The following TRIP13 variants were observed in gnomAD, a reference collection of about 807,000 sequenced individuals.
TRIP13 encodes thyroid hormone receptor interactor 13, also known as pachytene checkpoint protein 2 homolog.
Under a neutral mutation model 54.4 loss-of-function variants are expected in TRIP13, and 25 were observed. That is an observed-to-expected ratio of 0.46 (90% CI 0.33 to 0.64). The LOEUF (loss-of-function observed/expected upper bound fraction) is 0.64, where lower values mean the gene tolerates loss of function less well. Among genes scored for constraint, TRIP13 ranks in the 30% least tolerant of loss-of-function variants. The pLI, the probability that TRIP13 is intolerant of heterozygous loss-of-function variation, is 0.02. For missense variants in TRIP13, 373 were observed against 534.2 expected (o/e 0.70, Z 2.97); for synonymous variants, 207 against 207.8 (o/e 1.00, Z 0.03).
intron 5 of TRIP13, among the ~76,000 whole-genome samples, chr5:903,068 G>T (rs991927893): frequency 2.6e-5 from 4 of 152,176 alleles, no homozygotes; most frequent in African/African-American, 9.6e-5. Flanking sequence ...CTGGATGACT[G>T]CGGGCGGGTC....
Position 915,310 on chromosome 5 carries a change from C to A in TRIP13, c.1134-594C>A, listed in dbSNP as rs113332243. ...ACTCTGTGCCTACTGACCATGTGCC[C>A]GCTGCATCGTGCCTTACGCCTGGTG... On this transcript the variant is annotated intron_variant, in intron 11 of 12. Transcript: ENST00000166345. The surrounding 1 kb of genome is among the most constrained non-coding windows in gnomAD (Gnocchi z 4.2). Among the ~76,000 whole-genome samples, 780 of 152,336 alleles carry A rather than the reference C, an allele frequency of 5.1e-3. 7 individuals carry two copies. The highest frequency in any genetic ancestry group is 0.018 in the African/African-American group (746 of 41,558).
intron 3 of TRIP13, 90 bp downstream of exon 3, chr5:896,884 G>C (rs945601886): frequency 1.4e-6 from 2 of 1,409,544 alleles, no homozygotes; most frequent in Non-Finnish European, 9.5e-7. Context: ...GGTTCTGTTT[G>C]TCCATTTGTT....
Position 908,713 on chromosome 5 carries a change from C to G in TRIP13, c.866+252C>G, listed in dbSNP as rs1201046832. 12 of 1,205,796 alleles carry G rather than the reference C, an allele frequency of 1.0e-5. No homozygotes were observed. The highest frequency in any genetic ancestry group is 1.1e-5 in the Non-Finnish European group (10 of 945,720). 74.7% of individuals were successfully genotyped at this position (1,205,796 alleles called of 1,614,324 possible). A position where few individuals can be genotyped will look rare whatever the true frequency, so the allele number is the denominator to read the frequency against. Reference sequence around the variant, plus strand: ...GTGGCTCACACCTGTAATCCCAGCACTTTGGGAGGCCGAGGCAGGCGGATC... The same window carrying G: ...GTGGCTCACACCTGTAATCCCAGCAGTTTGGGAGGCCGAGGCAGGCGGATC... On this transcript the variant is annotated intron_variant, in intron 9 of 12. Transcript: ENST00000166345. This position sits in a 1 kb window ranked among gnomAD's most constrained non-coding sequence, Gnocchi z 5.2.
intron 3 of TRIP13, among the ~76,000 whole-genome samples, chr5:899,812 G>T (rs1030368218): frequency 2.0e-5 from 2 of 98,404 alleles, no homozygotes; most frequent in Non-Finnish European, 3.6e-5. Flanking sequence ...GGAAACAGGT[G>T]GATTTGGATG....
rs902330601 is a variant in TRIP13 at position 915,340 on chromosome 5, C to T, written c.1134-564C>T. Among the ~76,000 whole-genome samples, 1 of 152,180 alleles carries T rather than the reference C, an allele frequency of 6.6e-6. No homozygotes were observed. The highest frequency in any genetic ancestry group is 6.5e-5 in the Admixed American group (1 of 15,278). On this transcript the variant is annotated intron_variant, in intron 11 of 12. Transcript: ENST00000166345. The surrounding 1 kb of genome is among the most constrained non-coding windows in gnomAD (Gnocchi z 4.2). ...CATCGTGCCTTACGCCTGGTGCTCC[C>T]AGGCAGGTGATGCCTTCCCTGAGCG...
intron 11 of TRIP13, 152 bp downstream of exon 11, chr5:914,729 G>A: frequency 1.6e-6 from 1 of 627,904 alleles, no homozygotes; most frequent in Non-Finnish European, 2.9e-6. Flanking sequence ...ACGTGTGTGT[G>A]TGTGTGTGTG....
rs2150691016 is a variant in TRIP13 at position 912,666 on chromosome 5, G to C, written c.1020+670G>C. Among the ~76,000 whole-genome samples, 1 of 151,794 alleles carries C rather than the reference G, an allele frequency of 6.6e-6. No individual in the cohort carries two copies. Among genetic ancestry groups the C allele is most frequent in the South Asian group, 2.1e-4 (1 of 4,782 alleles). ...ATGTGCGGTGAGTGTGAGTCAGTAAGGCCGTCGCCATGGGCACAGTGACGC... is the reference window on the plus strand; with the variant it reads ...ATGTGCGGTGAGTGTGAGTCAGTAACGCCGTCGCCATGGGCACAGTGACGC... On this transcript the variant is annotated intron_variant, in intron 10 of 12. Coordinates refer to ENST00000166345, the MANE Select transcript of TRIP13 (RefSeq NM_004237.4). This position sits in a 1 kb window ranked among gnomAD's most constrained non-coding sequence, Gnocchi z 7.2.
chr5:915,933 T>C lies in TRIP13; in HGVS notation c.1163T>C (p.Leu388Pro). The C allele has an allele frequency of 1.2e-6, 2 of 1,614,160 alleles. No homozygotes were observed. Among genetic ancestry groups the C allele is most frequent in the Non-Finnish European group, 1.7e-6 (2 of 1,180,012 alleles). The stretch of plus-strand genomic sequence containing the variant: ...AGCGAGGGCCTCAGCGGCCGGGTCC[T>C]GAGAAAACTCCCCTTTCTGGCTCAT... ...RKSEGLSGRVLRKLPFLAHAL... is the reference protein window; with the variant it reads ...RKSEGLSGRVPRKLPFLAHAL... Residue 388 changes from leucine to proline, a missense_variant, in exon 12 of 13, where the codon CTG becomes CCG. By Grantham distance (98) the Leu-to-Pro change is moderately conservative (BLOSUM62 -3). Around this residue, in one of 4 missense-constraint regions of TRIP13, gnomAD observed 101 missense variants for 138.5 expected, o/e 0.73. Coordinates refer to ENST00000166345, the MANE Select transcript of TRIP13 (RefSeq NM_004237.4). This position sits in a 1 kb window ranked among gnomAD's most constrained non-coding sequence, Gnocchi z 4.2.
intron 5 of TRIP13, among the ~76,000 whole-genome samples, chr5:902,419 G>A (rs1560945848): frequency 6.6e-6 from 1 of 152,224 alleles, no homozygotes; most frequent in Non-Finnish European, 1.5e-5. Flanking sequence ...GTAAGCAGCA[G>A]GTGTTTTAAT....
downstream of TRIP13, chr5:919,239 G>C (rs1226283784): frequency 6.6e-6 from 1 of 152,244 alleles, no homozygotes; most frequent in African/African-American, 2.4e-5. Flanking sequence ...GGTCAGCCTT[G>C]TGGAGCCCAT....
chr5:904,249 G>A, intron 6 of TRIP13, 29 bp downstream of exon 6: 2 of 1,565,918 alleles, frequency 1.3e-6, no homozygotes, highest in Middle Eastern at 1.7e-4. Context: ...TGAGAGGAGA[G>A]CCATGGGAAT....
chr5:906,950 G>T (rs1754127303), intron 6 of TRIP13, among the ~76,000 whole-genome samples, 180 bp from the exon 7 acceptor site: 1 of 152,252 alleles, frequency 6.6e-6, no homozygotes, highest in Non-Finnish European at 1.5e-5. Flanking sequence ...ATTGAATCTT[G>T]TTAGACTTTT....
At position 892,932 on chromosome 5, in the gene TRIP13, G is replaced by T. The variant is rs2150674978; in HGVS notation, c.-67G>T. On this transcript the variant is annotated 5_prime_UTR_variant, in exon 1 of 13. Transcript: ENST00000166345. ...CGCGGGCTGAGGCAGCGGCTGTGGC[G>T]GCGACGCTGGGCGTGAGGTGGCGGC... 2.2e-6 allele frequency: 3 copies of T among 1,369,766 alleles called. No homozygotes were observed. In the African/African-American group the frequency reaches 4.6e-5, roughly 21 times the overall value. The allele number at this position is 1,369,766 out of a possible 1,614,324, so 84.9% of individuals were successfully genotyped here.
chr5:907,017 A>G lies in TRIP13; in HGVS notation c.609-113A>G, dbSNP rs866793554. 1.5e-5 allele frequency: 12 copies of G among 793,980 alleles called. No homozygotes were observed. Among genetic ancestry groups the G allele is most frequent in the Middle Eastern group, 4.7e-4 (2 of 4,254 alleles). The allele number at this position is 793,980 out of a possible 1,614,324, so 49.2% of individuals were successfully genotyped here. On this transcript the variant is annotated intron_variant, in intron 6 of 12. Transcript: ENST00000166345. This position sits in a 1 kb window ranked among gnomAD's most constrained non-coding sequence, Gnocchi z 4.1. The stretch of plus-strand genomic sequence containing the variant: ...TCCTCAATTCTTTGTCAGTAATTGT[A>G]ATTCCCCCGATGCTGGGCACTTGAG...
At position 914,551 on chromosome 5, in the gene TRIP13, G is replaced by A; in HGVS notation, c.1107G>A (p.Leu369=). ...IGFIENNVSK[L]SLLLNDISRK... ...TCATTGAAAACAACGTGTCAAAATT[G>A]AGCCTTCTTTTGAATGACATTTCAA... The change falls in exon 11 of 13, where the codon TTG becomes TTA. Residue 369 remains leucine (L), a synonymous_variant. Transcript: ENST00000166345. The A allele has an allele frequency of 6.2e-7, 1 of 1,613,346 alleles. No homozygotes were observed. Among genetic ancestry groups the A allele is most frequent in the South Asian group, 1.1e-5 (1 of 91,030 alleles).
chr5:911,353 C>G lies in TRIP13; in HGVS notation c.867-490C>G, dbSNP rs1161008732. Among the ~76,000 whole-genome samples the G allele has an allele frequency of 6.6e-6, 1 of 151,782 alleles. No homozygotes were observed. Among genetic ancestry groups the G allele is most frequent in the Non-Finnish European group, 1.5e-5 (1 of 67,922 alleles). On this transcript the variant is annotated intron_variant, in intron 9 of 12. Coordinates refer to ENST00000166345, the MANE Select transcript of TRIP13 (RefSeq NM_004237.4). The surrounding 1 kb of genome is among the most constrained non-coding windows in gnomAD (Gnocchi z 4.7). ...TTGGGAGGCCGAGGCAGGCGGATCA[C>G]GAGGTCAGGAGATCGAGACCATCCT...
At chr5:895,135 C>G (rs956245517) in intron 2 of TRIP13, among the ~76,000 whole-genome samples, 183 bp downstream of exon 2, 28 of 152,154 alleles carry the variant, frequency 1.8e-4, no homozygotes, top group African/African-American at 6.3e-4. Context: ...GGAAGTAGCC[C>G]TGATGTCGGG....
intron 9 of TRIP13, among the ~76,000 whole-genome samples, chr5:910,618 C>T (rs1754210946): frequency 6.6e-6 from 1 of 152,176 alleles, no homozygotes; most frequent in Non-Finnish European, 1.5e-5. Flanking sequence ...GGGTGTGGCT[C>T]AGGAAGAAAC....
chr5:914,468 C>T lies in TRIP13; in HGVS notation c.1024C>T (p.Gln342Ter). The T allele has an allele frequency of 6.2e-7, 1 of 1,612,486 alleles. No individual in the cohort carries two copies. Among genetic ancestry groups the T allele is most frequent in the Non-Finnish European group, 8.5e-7 (1 of 1,179,376 alleles). Residue 342 changes from glutamine to a stop codon, truncating the protein, a stop_gained, in exon 11 of 13, where the codon CAG (glutamine) becomes TAG (stop). Transcript: ENST00000166345. LOFTEE classifies it high-confidence loss of function. ...GCCTGTACTTCTGTCTCCCCAGTGTCAGATCATATACCCTCGCCAGCAGCT... is the reference window on the plus strand; with the variant it reads ...GCCTGTACTTCTGTCTCCCCAGTGTTAGATCATATACCCTCGCCAGCAGCT... ...LSCLEELMKC[Q>*]IIYPRQQLLT...
Sources: allele counts gnomAD v4.1 joint callset (sites outside exome capture counted in the v4.1 genomes callset), GRCh38; gene constraint gnomAD v4.1.1; regional missense constraint gnomAD v4.1.1; non-coding constraint Gnocchi (gnomAD v3.1); transcripts MANE v1.5; gene names NCBI Gene and HGNC (gene_info 2026-07-23, HGNC 2026-07-21).